FTO: variants seen among roughly 807,000 people sequenced by gnomAD.
FTO encodes FTO alpha-ketoglutarate dependent dioxygenase.
In FTO, 47 loss-of-function variants were observed where a neutral mutation model predicts 63.9. The observed-to-expected ratio is 0.74, with a 90% CI of 0.58 to 0.94. The LOEUF is 0.94. FTO is among the 40% of genes least tolerant of loss of function. The pLI is 0.00. For synonymous variants in FTO, 207 were observed against 224.4 expected, an observed-to-expected ratio of 0.92 and a Z score of 0.69; for missense variants, 562 against 618.1, an observed-to-expected ratio of 0.91 and a Z score of 0.96.
At chr16:54,057,055 G>A (rs1029639164) in intron 8 of FTO, among the ~76,000 whole-genome samples, 1 of 151,960 alleles carries the variant, frequency 6.6e-6, no homozygotes, top group East Asian at 2.0e-4. Context: ...AGATGGACAC[G>A]GAGTCAGAGA....
chr16:53,937,140 G>A (rs184489704), intron 8 of FTO: 6 of 397,774 alleles, frequency 1.5e-5, no homozygotes, highest in East Asian at 1.1e-4. Context: ...ACAACCCAGC[G>A]ACTCTAGAGG....
At chr16:53,977,565 G>T (rs542283880) in intron 8 of FTO, among the ~76,000 whole-genome samples, 1 of 152,226 alleles carries the variant, frequency 6.6e-6, no homozygotes, top group East Asian at 1.9e-4. Flanking sequence ...GCTTTTGCAT[G>T]CAATTTCCCT....
rs889108677 is a variant in FTO at position 53,739,354 on chromosome 16, C to T, written c.45+35125C>T. Among the ~76,000 whole-genome samples, 5 of 151,452 alleles carry T rather than the reference C, an allele frequency of 3.3e-5. No individual in the cohort carries two copies. The East Asian group carries it at 5.8e-4, about 18-fold the overall frequency. ...CCCAGTAGCTGGGACTATAGGCGCC[C>T]GCCACCACACCTGGCTGTTTTTTTT... On this transcript the variant is annotated intron_variant, in intron 1 of 8. Coordinates refer to ENST00000471389, the MANE Select transcript of FTO (RefSeq NM_001080432.3).
intron 8 of FTO, among the ~76,000 whole-genome samples, chr16:54,023,875 G>A (rs1167836976): frequency 6.6e-6 from 1 of 152,082 alleles, no homozygotes; most frequent in Non-Finnish European, 1.5e-5. Flanking sequence ...GAATGTGTGG[G>A]TTAATTTAGG....
intron 8 of FTO, among the ~76,000 whole-genome samples, chr16:54,085,781 C>T (rs1402101372): frequency 6.6e-6 from 1 of 152,122 alleles, no homozygotes; most frequent in South Asian, 2.1e-4. Flanking sequence ...ACATACCCTC[C>T]GACTCGTCTC....
At chr16:53,729,950 G>A (rs1309780767) in intron 1 of FTO, among the ~76,000 whole-genome samples, 1 of 152,120 alleles carries the variant, frequency 6.6e-6, no homozygotes, top group East Asian at 1.9e-4. Context: ...CAAGAACTGC[G>A]CTTTTATTCC....
intron 1 of FTO, among the ~76,000 whole-genome samples, chr16:53,743,630 A>G (rs928136103): frequency 2.7e-5 from 4 of 150,416 alleles, no homozygotes; most frequent in South Asian, 2.2e-4. Context: ...TTTAGGCACA[A>G]TTTTTAATAC....
At chr16:53,863,420 G>A (rs1367882207) in intron 4 of FTO, among the ~76,000 whole-genome samples, 1 of 152,228 alleles carries the variant, frequency 6.6e-6, no homozygotes, top group African/African-American at 2.4e-5. Flanking sequence ...GAAGGTGGAA[G>A]AAGATGTGTC....
intron 8 of FTO, among the ~76,000 whole-genome samples, chr16:54,029,460 C>T (rs1211798878): frequency 6.6e-6 from 1 of 152,126 alleles, no homozygotes; most frequent in Non-Finnish European, 1.5e-5. Context: ...TTTAGTTATT[C>T]TCCTACTAAA....
At chr16:53,896,316 G>GT (rs75387322) in intron 7 of FTO, among the ~76,000 whole-genome samples, 3,527 of 141,788 alleles carry the variant, frequency 0.025, 72 homozygotes, top group African/African-American at 0.053. Flanking sequence ...TTCATCTAGG[G>GT]TTTTTTTTTT....
At position 54,014,086 on chromosome 16, in the gene FTO, G is replaced by T. The variant is rs189120082; in HGVS notation, c.1364+79977G>T. On this transcript the variant is annotated intron_variant, in intron 8 of 8. Transcript: ENST00000471389. ...CTCATGAGTATTTTACAGGAAATGCGTTTTCCTTTGCTAGTGATATATGCA... is the reference window on the plus strand; with the variant it reads ...CTCATGAGTATTTTACAGGAAATGCTTTTTCCTTTGCTAGTGATATATGCA... Among the ~76,000 whole-genome samples, 724 of 152,230 alleles carry T rather than the reference G, an allele frequency of 4.8e-3. 3 individuals carry two copies. The highest frequency in any genetic ancestry group is 7.5e-3 in the Non-Finnish European group (511 of 68,008).
chr16:53,981,602 ATC>A (rs2083546264), intron 8 of FTO: 3 of 152,114 alleles, frequency 2.0e-5, no homozygotes, highest in Admixed American at 6.6e-5. Flanking sequence ...GTGAAACCCC[ATC>A]TCTACTAAAC....
At chr16:54,089,700 C>A (rs1487136336) in intron 8 of FTO, among the ~76,000 whole-genome samples, 2 of 151,994 alleles carry the variant, frequency 1.3e-5, no homozygotes, top group Non-Finnish European at 2.9e-5. Flanking sequence ...GGAAGACAAT[C>A]TAATTTTTAA....
intron 8 of FTO, among the ~76,000 whole-genome samples, chr16:54,037,856 C>T (rs2084978012): frequency 6.6e-6 from 1 of 152,190 alleles, no homozygotes; most frequent in African/African-American, 2.4e-5. Context: ...CATATATCAA[C>T]TAGGCTTGTT....
At chr16:53,815,350 C>T (rs1047831975) in intron 2 of FTO, among the ~76,000 whole-genome samples, 4 of 152,146 alleles carry the variant, frequency 2.6e-5, no homozygotes, top group Non-Finnish European at 5.9e-5. Context: ...GCTTTCTTCC[C>T]TCATTTAGTC....
At chr16:53,933,882 G>A in intron 7 of FTO, 103 bp from the exon 8 acceptor site, 1 of 1,145,606 alleles carries the variant, frequency 8.7e-7, no homozygotes, top group Non-Finnish European at 1.2e-6. Context: ...CAGGGGAACT[G>A]TAATAAAAAA....
intron 8 of FTO, among the ~76,000 whole-genome samples, chr16:54,068,883 T>C (rs1157062176): frequency 6.6e-6 from 1 of 152,100 alleles, no homozygotes; most frequent in Non-Finnish European, 1.5e-5. Flanking sequence ...TGATTTCAGA[T>C]TGTGTTCATC....
At chr16:53,780,051 A>G (rs775470955) in intron 1 of FTO, among the ~76,000 whole-genome samples, 2 of 152,208 alleles carry the variant, frequency 1.3e-5, no homozygotes, top group Non-Finnish European at 1.5e-5. Context: ...TTAAAAATAT[A>G]TATCAAGTGA....
chr16:53,985,396 C>A (rs1241017694), intron 8 of FTO, among the ~76,000 whole-genome samples: 1 of 152,132 alleles, frequency 6.6e-6, no homozygotes, highest in Non-Finnish European at 1.5e-5. Context: ...TATCGCAGAT[C>A]CAGAGGCAGG....
Sources: gnomAD v4.1 joint callset for allele counts (sites outside exome capture counted in the v4.1 genomes callset) on GRCh38, gnomAD v4.1.1 for gene constraint, MANE v1.5 for transcripts, NCBI Gene and HGNC (gene_info 2026-07-23, HGNC 2026-07-21) for gene names.